MYO18B: variants seen among roughly 807,000 people sequenced by gnomAD.
MYO18B encodes the protein myosin XVIIIB, also known as unconventional myosin-XVIIIb.
A neutral mutation model predicts 273.0 loss-of-function variants in MYO18B; 204 were observed. That is an observed-to-expected ratio of 0.75 (90% confidence interval 0.67 to 0.84). The LOEUF (loss-of-function observed/expected upper bound fraction) is 0.84. MYO18B is among the 40% of genes least tolerant of loss of function. The pLI is 0.00. For synonymous variants in MYO18B, 1,330 were observed against 1,305.7 expected, an observed-to-expected ratio of 1.02 and a Z score of -0.40; for missense variants, 3,212 against 3,287.6, an observed-to-expected ratio of 0.98 and a Z score of 0.56.
Position 25,966,242 on chromosome 22 carries a change from GTTTGTT to G in MYO18B, c.6156+10900_6156+10905del, listed in dbSNP as rs199728411. On this transcript the variant is annotated intron_variant, in intron 39 of 43. Coordinates refer to ENST00000335473, the MANE Select transcript of MYO18B (RefSeq NM_032608.7). ...CAAAGTCAGGTTCTGTTTTTTGTTTGTTTGTTTTTGTTTTTGTTTTTGTTTTTTCAT... is the reference window on the plus strand; with the variant it reads ...CAAAGTCAGGTTCTGTTTTTTGTTTGTTTGTTTTTGTTTTTGTTTTTTCAT... Among the ~76,000 whole-genome samples the G allele has an allele frequency of 2.3e-3, 350 of 152,188 alleles. 1 individual carries two copies. The highest frequency in any genetic ancestry group is 7.7e-3 in the East Asian group (40 of 5,180).
At chr22:25,887,191 TCTGA>T (rs2091525611) in intron 25 of MYO18B, among the ~76,000 whole-genome samples, 1 of 152,298 alleles carries the variant, frequency 6.6e-6, no homozygotes, top group East Asian at 1.9e-4. Flanking sequence ...TGTTTGTCTC[TCTGA>T]CTGGCCAGTG....
intron 33 of MYO18B, among the ~76,000 whole-genome samples, chr22:25,911,426 A>G (rs546438681): frequency 6.6e-6 from 1 of 152,310 alleles, no homozygotes; most frequent in East Asian, 1.9e-4. Context: ...GAGCCAGGCA[A>G]ATGTAGCTTT....
In MYO18B at chr22:25,847,475, C is replaced by T. The variant is rs777062075; in HGVS notation, c.3598C>T (p.His1200Tyr). The change falls in exon 20 of 44, where the codon CAC becomes TAC. Residue 1200 changes from histidine to tyrosine, a missense_variant. Physicochemically the swap from His to Tyr is moderately conservative, Grantham distance 83 (BLOSUM62 2). Transcript: ENST00000335473. ...CAAAAGGTCCCGGCTGCACTTTATC[C>T]ACTGCCTGGTACCAAACCCTGTGGT... Reference protein sequence around the residue: ...MIKRSRLHFIHCLVPNPVVES... With the variant: ...MIKRSRLHFIYCLVPNPVVES... 6 of 1,581,908 alleles carry T rather than the reference C, an allele frequency of 3.8e-6. No individual in the cohort carries two copies. Among genetic ancestry groups the T allele is most frequent in the Admixed American group, 1.8e-5 (1 of 55,576 alleles).
chr22:25,941,284 A>G (rs2146554899), intron 34 of MYO18B, among the ~76,000 whole-genome samples: 1 of 152,302 alleles, frequency 6.6e-6, no homozygotes. Flanking sequence ...GTCCATGGGG[A>G]CGTGATGATT....
chr22:25,819,925 C>T (rs6004773), intron 12 of MYO18B, among the ~76,000 whole-genome samples: 10 of 149,826 alleles, frequency 6.7e-5, no homozygotes, highest in Admixed American at 2.0e-4. Context: ...ATAACTACAA[C>T]TAATAAGTAC....
intron 12 of MYO18B, among the ~76,000 whole-genome samples, chr22:25,814,468 T>G (rs554307149): frequency 6.6e-6 from 1 of 152,078 alleles, no homozygotes; most frequent in South Asian, 2.1e-4. Flanking sequence ...CCAGACACTA[T>G]TCTAAGAGCT....
intron 39 of MYO18B, among the ~76,000 whole-genome samples, chr22:25,984,705 G>A (rs536499293): frequency 1.3e-5 from 2 of 152,194 alleles, no homozygotes; most frequent in South Asian, 4.2e-4. Context: ...ACTGAGATGG[G>A]AGGATCACTT....
In MYO18B at chr22:25,898,409, C is replaced by T. The variant is rs1016581580; in HGVS notation, c.4771C>T (p.Leu1591=). 6.2e-7 allele frequency: 1 copy of T among 1,613,822 alleles called. No individual in the cohort carries two copies. Among genetic ancestry groups the T allele is most frequent in the Non-Finnish European group, 8.5e-7 (1 of 1,179,870 alleles). The part of the protein sequence containing the change: ...LTCDLEDTCV[L]LENQQSRNHE... ...CTGTGACCTTGAGGATACCTGCGTC[C>T]TGCTAGAGAACCAACAAAGTCGAAA... Residue 1591 remains leucine, a synonymous_variant, in exon 29 of 44, where the codon CTG becomes TTG. Coordinates refer to ENST00000335473, the MANE Select transcript of MYO18B (RefSeq NM_032608.7).
chr22:25,844,861 G>A lies in MYO18B; in HGVS notation c.3368+967G>A, dbSNP rs117265077. Among the ~76,000 whole-genome samples, 1,378 of 152,320 alleles carry A rather than the reference G, an allele frequency of 9.0e-3. 46 individuals carry two copies. The East Asian group carries it at 0.11, about 12-fold the overall frequency. ...CTGAATGATGACCCAGGTGGCACAGGTTGAGTCTCAGCCCTGCCCTTTGTC... is the reference window on the plus strand; with the variant it reads ...CTGAATGATGACCCAGGTGGCACAGATTGAGTCTCAGCCCTGCCCTTTGTC... On this transcript the variant is annotated intron_variant, in intron 18 of 43. Coordinates refer to ENST00000335473, the MANE Select transcript of MYO18B (RefSeq NM_032608.7).
At chr22:25,849,918 T>C (rs1460754458) in intron 20 of MYO18B, among the ~76,000 whole-genome samples, 1 of 152,240 alleles carries the variant, frequency 6.6e-6, no homozygotes, top group African/African-American at 2.4e-5. Context: ...CATGTGAAGA[T>C]AGATCTTGTT....
rs7287246 is a variant in MYO18B, at chr22:25,883,997, A to G, written c.4314+5949A>G. The stretch of plus-strand genomic sequence containing the variant: ...AGGTTTTGGGACCACATGGGATATA[A>G]AATGAGGTGGGGTGTTTTTCCACCC... On this transcript the variant is annotated intron_variant, in intron 25 of 43. Transcript: ENST00000335473. The surrounding 1 kb of genome is among the most constrained non-coding windows in gnomAD (Gnocchi z 7.6). Among the ~76,000 whole-genome samples the G allele has an allele frequency of 6.6e-6, 1 of 151,878 alleles. No homozygotes were observed. Among genetic ancestry groups the G allele is most frequent in the Non-Finnish European group, 1.5e-5 (1 of 67,966 alleles).
chr22:25,755,627 C>T lies in MYO18B; in HGVS notation c.-109-5357C>T, dbSNP rs1030086325. On this transcript the variant is annotated intron_variant, in intron 1 of 43. Coordinates refer to ENST00000335473, the MANE Select transcript of MYO18B (RefSeq NM_032608.7). ...GGGACCTAGTGGGAGGTGTTTGGGT[C>T]ATGGGGGCAGATGCCTCCTGAATGT... is the stretch of plus-strand genomic sequence containing the variant. Among the ~76,000 whole-genome samples the T allele has an allele frequency of 5.9e-5, 9 of 152,318 alleles. No individual in the cohort carries two copies. The East Asian group carries it at 1.7e-3, about 29-fold the overall frequency.
intron 33 of MYO18B, among the ~76,000 whole-genome samples, chr22:25,917,958 G>A (rs770155231): frequency 3.9e-5 from 6 of 152,168 alleles, no homozygotes; most frequent in Non-Finnish European, 8.8e-5. Context: ...AATGAAAGAA[G>A]TGAGGCTCGG....
At chr22:26,002,487 C>T (rs1934048687) in intron 40 of MYO18B, among the ~76,000 whole-genome samples, 1 of 152,174 alleles carries the variant, frequency 6.6e-6, no homozygotes, top group Non-Finnish European at 1.5e-5. Flanking sequence ...GCAGCAGGTG[C>T]AGCTCTTAGA....
chr22:25,770,182 T>C lies in MYO18B; in HGVS notation c.1579+6T>C. The C allele has an allele frequency of 6.2e-7, 1 of 1,613,816 alleles. No homozygotes were observed. Among genetic ancestry groups the C allele is most frequent in the Admixed American group, 1.7e-5 (1 of 60,024 alleles). ...GAAGGATGGATTTACTCTTGGTAAGTAGGGGTGTTAGCACCTTTGGAGGGT... is the reference window on the plus strand; with the variant it reads ...GAAGGATGGATTTACTCTTGGTAAGCAGGGGTGTTAGCACCTTTGGAGGGT... On this transcript the variant is annotated splice_donor_region_variant and intron_variant, in intron 5 of 43. Coordinates refer to ENST00000335473, the MANE Select transcript of MYO18B (RefSeq NM_032608.7).
chr22:25,946,238 G>A lies in MYO18B; in HGVS notation c.5619G>A (p.Arg1873=). 3.8e-6 allele frequency: 6 copies of A among 1,574,486 alleles called. No homozygotes were observed. Among genetic ancestry groups the A allele is most frequent in the Non-Finnish European group, 5.2e-6 (6 of 1,161,512 alleles). The change falls in exon 35 of 44, where the codon CGG becomes CGA. Residue 1873 remains arginine (R), a synonymous_variant. Coordinates refer to ENST00000335473, the MANE Select transcript of MYO18B (RefSeq NM_032608.7). ...ACAGCGAGCTGGAGAACATGACGCG[G>A]AACAAGAGCCTGGTACCTGTCCCTT... ...SMHSELENMT[R]NKSLVDEQLY...
chr22:25,893,892 C>T (rs2091730493), intron 27 of MYO18B, among the ~76,000 whole-genome samples: 1 of 151,850 alleles, frequency 6.6e-6, no homozygotes, highest in South Asian at 2.1e-4. Flanking sequence ...TCCATGCATT[C>T]ATCCACCCAT....
rs1243813023 is a variant in MYO18B at position 25,858,634 on chromosome 22, A to C, written c.3885+7055A>C. On this transcript the variant is annotated intron_variant, in intron 21 of 43. Transcript: ENST00000335473. Reference sequence around the variant, plus strand: ...TTCTAGGAAACAATGGAACTCTGTAAGTGGGGGCTGTGGGTTGGATGTGAC... The same window carrying C: ...TTCTAGGAAACAATGGAACTCTGTACGTGGGGGCTGTGGGTTGGATGTGAC... 3.9e-5 allele frequency among the ~76,000 whole-genome samples: 6 copies of C among 152,104 alleles called. 1 individual carries two copies. Among genetic ancestry groups the C allele is most frequent in the Middle Eastern group, 3.4e-3 (1 of 294 alleles).
intron 1 of MYO18B, among the ~76,000 whole-genome samples, chr22:25,746,700 C>G (rs945553146): frequency 2.6e-5 from 4 of 152,230 alleles, no homozygotes; most frequent in Non-Finnish European, 5.9e-5. Context: ...CCACGTGGCT[C>G]ATACAACTGA....
Sources: allele counts gnomAD v4.1 joint callset (sites outside exome capture counted in the v4.1 genomes callset), GRCh38; gene constraint gnomAD v4.1.1; non-coding constraint Gnocchi (gnomAD v3.1); transcripts MANE v1.5; gene names NCBI Gene and HGNC (gene_info 2026-07-23, HGNC 2026-07-21).